Variants in FER1L5 observed in about 807,000 individuals in gnomAD.
The protein encoded by FER1L5 is fer-1 like family member 5.
A neutral mutation model predicts 279.9 loss-of-function variants in FER1L5; 187 were observed. That is an observed-to-expected ratio of 0.67 (90% CI 0.59 to 0.75). FER1L5 has a LOEUF of 0.75. Among genes scored for constraint, FER1L5 ranks in the 30% least tolerant of loss-of-function variants. The pLI, the probability that FER1L5 is intolerant of heterozygous loss-of-function variation, is 0.00. For synonymous variants in FER1L5, 921 were observed against 989.7 expected, an observed-to-expected ratio of 0.93 and a Z score of 1.30; for missense variants, 2,091 against 2,594.4, an observed-to-expected ratio of 0.81 and a Z score of 4.21.
chr2:96,665,398 C>G (rs1310049262), intron 14 of FER1L5, among the ~76,000 whole-genome samples: 1 of 152,124 alleles, frequency 6.6e-6, no homozygotes, highest in Admixed American at 6.6e-5. Flanking sequence ...TCCTCATAAT[C>G]CCTGCCTCCT....
chr2:96,704,168 G>C, intron 51 of FER1L5, 47 bp from the exon 52 acceptor site: 1 of 1,604,762 alleles, frequency 6.2e-7, no homozygotes, highest in Non-Finnish European at 8.5e-7. Context: ...TACTTGACCT[G>C]AAGGTTCTCC....
chr2:96,691,324 G>C lies in FER1L5; in HGVS notation c.2878G>C (p.Glu960Gln), dbSNP rs1259640966. The C allele has an allele frequency of 6.5e-7, 1 of 1,550,340 alleles. No homozygotes were observed. Among genetic ancestry groups the C allele is most frequent in the Non-Finnish European group, 8.7e-7 (1 of 1,146,674 alleles). ...CAGGAACCATGGGGAGCTGAGCCACGAGCAGGAGACCCTCTCCTTCCTGCA... is the reference window on the plus strand; with the variant it reads ...CAGGAACCATGGGGAGCTGAGCCACCAGCAGGAGACCCTCTCCTTCCTGCA... ...RFRNHGELSH[E>Q]QETLSFLQLG... Residue 960 changes from glutamate (E) to glutamine (Q), a missense_variant, in exon 28 of 53, where the codon GAG becomes CAG. Glu to Gln is a conservative substitution (Grantham distance 29). Transcript: ENST00000624922. The surrounding 1 kb of genome is among the most constrained non-coding windows in gnomAD (Gnocchi z 6.0).
chr2:96,676,739 G>A (rs575139588), intron 19 of FER1L5, among the ~76,000 whole-genome samples: 1 of 151,198 alleles, frequency 6.6e-6, no homozygotes, highest in Non-Finnish European at 1.5e-5. Context: ...ACTCATCATA[G>A]TCTACTTTGA....
At position 96,689,148 on chromosome 2, in the gene FER1L5, G is replaced by A; in HGVS notation, c.2362-65G>A. ...CAGCCCAGAGTCAGGGGGCCCAGGG[G>A]AGGCCCATGTCCCCGCACTTTGTGC... On this transcript the variant is annotated intron_variant, in intron 24 of 52. Transcript: ENST00000624922. This position sits in a 1 kb window ranked among gnomAD's most constrained non-coding sequence, Gnocchi z 4.6. 6.7e-7 allele frequency: 1 copy of A among 1,495,134 alleles called. No individual in the cohort carries two copies. Among genetic ancestry groups the A allele is most frequent in the Admixed American group, 2.5e-5 (1 of 40,330 alleles). 92.6% of individuals were successfully genotyped at this position (1,495,134 alleles called of 1,614,324 possible). A position where few individuals can be genotyped will look rare whatever the true frequency, so the allele number is the denominator to read the frequency against.
rs924744382 is a variant in FER1L5, at chr2:96,694,206, G to T, written c.3636+134G>T. Reference sequence around the variant, plus strand: ...CAGGATCCCGAGCTGTGGGCTTGGTGACGCTGGCCTGACCAGCCTCTCCCC... The same window carrying T: ...CAGGATCCCGAGCTGTGGGCTTGGTTACGCTGGCCTGACCAGCCTCTCCCC... On this transcript the variant is annotated intron_variant, in intron 33 of 52. Coordinates refer to ENST00000624922, the MANE Select transcript of FER1L5 (RefSeq NM_001293083.2). This position sits in a 1 kb window ranked among gnomAD's most constrained non-coding sequence, Gnocchi z 4.6. 2 of 1,366,110 alleles carry T rather than the reference G, an allele frequency of 1.5e-6. No homozygotes were observed. Among genetic ancestry groups the T allele is most frequent in the East Asian group, 5.0e-5 (2 of 39,686 alleles). 84.6% of individuals were successfully genotyped at this position (1,366,110 alleles called of 1,614,324 possible).
intron 27 of FER1L5, 95 bp downstream of exon 27, chr2:96,690,684 G>T (rs2077108265): frequency 8.7e-7 from 1 of 1,153,672 alleles, no homozygotes; most frequent in East Asian, 2.6e-5. Context: ...AGCCCTCCAT[G>T]GTATACGCCT....
intron 9 of FER1L5, among the ~76,000 whole-genome samples, chr2:96,659,288 G>C (rs1024211160): frequency 2.0e-5 from 2 of 100,088 alleles, no homozygotes; most frequent in African/African-American, 4.3e-5. Context: ...AATTTATCAA[G>C]CTTTCCTTCC....
rs1186050895 is a variant in FER1L5 at position 96,685,927 on chromosome 2, G to C, written c.1896-13G>C. 6.6e-7 allele frequency: 1 copy of C among 1,523,068 alleles called. No homozygotes were observed. 94.3% of individuals were successfully genotyped at this position (1,523,068 alleles called of 1,614,324 possible). ...AGAGAGGTCCAGCCCCTGCTACCCT[G>C]TCCTGGCCACAGGCGCCCTCTGCCC... is the stretch of plus-strand genomic sequence containing the variant. On this transcript the variant is annotated splice_polypyrimidine_tract_variant and intron_variant, in intron 21 of 52. Transcript: ENST00000624922.
intron 20 of FER1L5, 141 bp from the exon 21 acceptor site, chr2:96,685,188 C>T (rs1010966214): frequency 9.9e-6 from 7 of 709,076 alleles, no homozygotes; most frequent in Non-Finnish European, 1.4e-5. Flanking sequence ...TGTGGACAAC[C>T]TTGAACTGAT....
chr2:96,692,873 C>T (rs1558916045), intron 31 of FER1L5, among the ~76,000 whole-genome samples: 1 of 152,098 alleles, frequency 6.6e-6, no homozygotes, highest in Non-Finnish European at 1.5e-5. Context: ...CCACTTGCTG[C>T]TGCCATGAAA....
Position 96,698,297 on chromosome 2 carries a change from G to T in FER1L5, c.4356+141G>T. ...AACGTTCTGGGAGTGGAGGAGCAGA[G>T]ATTCGCCTCCACAGGAACTCGGGGA... On this transcript the variant is annotated intron_variant, in intron 40 of 52. Coordinates refer to ENST00000624922, the MANE Select transcript of FER1L5 (RefSeq NM_001293083.2). The surrounding 1 kb of genome is among the most constrained non-coding windows in gnomAD (Gnocchi z 5.5). The T allele has an allele frequency of 7.7e-7, 1 of 1,291,342 alleles. No individual in the cohort carries two copies. 80.0% of individuals were successfully genotyped at this position (1,291,342 alleles called of 1,614,324 possible). A position where few individuals can be genotyped will look rare whatever the true frequency, so the allele number is the denominator to read the frequency against.
Position 96,691,312 on chromosome 2 carries a change from G to A in FER1L5, c.2866G>A (p.Glu956Lys), listed in dbSNP as rs558641649. 1.3e-4 allele frequency: 202 copies of A among 1,550,484 alleles called. 1 individual carries two copies. The East Asian group carries it at 4.9e-3, about 38-fold the overall frequency. Reference protein sequence around the residue: ...WARVRFRNHGELSHEQETLSF... With the variant: ...WARVRFRNHGKLSHEQETLSF... ...GCGTGTGCGCTTCAGGAACCATGGGGAGCTGAGCCACGAGCAGGAGACCCT... is the reference window on the plus strand; with the variant it reads ...GCGTGTGCGCTTCAGGAACCATGGGAAGCTGAGCCACGAGCAGGAGACCCT... Residue 956 changes from glutamate (E) to lysine (K), a missense_variant, in exon 28 of 53, where the codon GAG becomes AAG. Physicochemically the swap from Glu to Lys is moderately conservative, Grantham distance 56. Transcript: ENST00000624922. The surrounding 1 kb of genome is among the most constrained non-coding windows in gnomAD (Gnocchi z 6.0).
In FER1L5 at chr2:96,647,855, C is replaced by G; in HGVS notation, c.308C>G (p.Thr103Ser). 2 of 1,551,810 alleles carry G rather than the reference C, an allele frequency of 1.3e-6. No individual in the cohort carries two copies. The highest frequency in any genetic ancestry group is 1.7e-6 in the Non-Finnish European group (2 of 1,147,014). ...GAGGTCCTTTTTGTGAAGGACTTGA[C>G]CCTGCTCAACCATTCCATGAAGCCC... ...PSEVLFVKDLTLLNHSMKPTD... is the reference protein window; with the variant it reads ...PSEVLFVKDLSLLNHSMKPTD... The change falls in exon 4 of 53, where the codon ACC becomes AGC. Residue 103 changes from threonine to serine, a missense_variant. Thr to Ser is a moderately conservative substitution (Grantham distance 58). Coordinates refer to ENST00000624922, the MANE Select transcript of FER1L5 (RefSeq NM_001293083.2).
In FER1L5 at chr2:96,703,011, A is replaced by G. The variant is rs1379102675; in HGVS notation, c.5431A>G (p.Lys1811Glu). The G allele has an allele frequency of 6.2e-7, 1 of 1,613,322 alleles. No homozygotes were observed. The highest frequency in any genetic ancestry group is 1.7e-5 in the Admixed American group (1 of 59,928). ...ATGGAGCCTGGATGCCACGTCCATG[A>G]AGTTCCCAGCCCGACTTATCATCCA... is the stretch of plus-strand genomic sequence containing the variant. ...YIWSLDATSM[K>E]FPARLIIQVW... Residue 1811 changes from lysine (K) to glutamate (E), a missense_variant, in exon 49 of 53, where the codon AAG (lysine) becomes GAG (glutamate). Lys to Glu is a moderately conservative substitution (Grantham distance 56). Coordinates refer to ENST00000624922, the MANE Select transcript of FER1L5 (RefSeq NM_001293083.2).
Position 96,686,278 on chromosome 2 carries a change from C to G in FER1L5, c.2157C>G (p.Ser719=). Residue 719 remains serine (S), a synonymous_variant, in exon 23 of 53, where the codon TCC becomes TCG. Transcript: ENST00000624922. The part of the protein sequence containing the change: ...RVAYAQVPAH[S]VLFSPAGALH... ...CCTATGCACAGGTGCCTGCCCACTC[C>G]GTCCTCTTCTCCCCGGCAGGGGCTC... The G allele has an allele frequency of 1.9e-6, 3 of 1,551,622 alleles. No individual in the cohort carries two copies. The highest frequency in any genetic ancestry group is 2.6e-6 in the Non-Finnish European group (3 of 1,146,972).
At position 96,694,712 on chromosome 2, in the gene FER1L5, G is replaced by C; in HGVS notation, c.3741+248G>C. ...CTGTAGCATGCATGATCACTTGTGG[G>C]ACTCACGCTGCCCCTGCGCAGTAGC... On this transcript the variant is annotated intron_variant, in intron 34 of 52. Transcript: ENST00000624922. This position sits in a 1 kb window ranked among gnomAD's most constrained non-coding sequence, Gnocchi z 4.6. 2.6e-6 allele frequency: 1 copy of C among 377,986 alleles called. No homozygotes were observed. The highest frequency in any genetic ancestry group is 4.1e-5 in the East Asian group (1 of 24,634). 23.4% of individuals were successfully genotyped at this position (377,986 alleles called of 1,614,324 possible). A position where few individuals can be genotyped will look rare whatever the true frequency, so the allele number is the denominator to read the frequency against.
chr2:96,661,993 C>T (rs2075972206), intron 12 of FER1L5, among the ~76,000 whole-genome samples: 1 of 152,172 alleles, frequency 6.6e-6, no homozygotes, highest in African/African-American at 2.4e-5. Context: ...ACACCCCCAG[C>T]CTGTCTATGA....
At chr2:96,646,941 G>A (rs2075157078) in intron 2 of FER1L5, 123 bp from the exon 3 acceptor site, 1 of 987,714 alleles carries the variant, frequency 1.0e-6, no homozygotes, top group South Asian at 1.7e-5. Context: ...TTAGACATGA[G>A]GGAGGTTCCT....
chr2:96,701,875 C>A, intron 45 of FER1L5, 80 bp from the exon 46 acceptor site: 1 of 1,412,572 alleles, frequency 7.1e-7, no homozygotes, highest in Non-Finnish European at 9.9e-7. Context: ...GACCTCAGAA[C>A]CTGGGACAGG....
Sources: gnomAD v4.1 joint callset for allele counts (sites outside exome capture counted in the v4.1 genomes callset) on GRCh38, gnomAD v4.1.1 for gene constraint, Gnocchi (gnomAD v3.1) non-coding constraint, MANE v1.5 for transcripts, NCBI Gene and HGNC (gene_info 2026-07-23, HGNC 2026-07-21) for gene names.